The following VAC14 variants were observed in gnomAD, a reference collection of about 807,000 sequenced individuals.
The protein encoded by VAC14 is protein VAC14 homolog.
A neutral mutation model predicts 85.3 loss-of-function variants in VAC14; 47 were observed. The observed-to-expected ratio is 0.55, with a 90% CI of 0.44 to 0.70. VAC14 has a LOEUF of 0.70. VAC14 is among the 30% of genes least tolerant of loss of function. The probability of loss-of-function intolerance (pLI) is 0.00; values close to 1 mark genes in which losing one functional copy is unlikely to be tolerated. For synonymous variants in VAC14, 447 were observed against 430.5 expected, an observed-to-expected ratio of 1.04 and a Z score of -0.47; for missense variants, 861 against 1,004.3, an observed-to-expected ratio of 0.86 and a Z score of 1.93.
At chr16:70,716,482 C>T (rs1354978949) in intron 14 of VAC14, 4 of 152,316 alleles carry the variant, frequency 2.6e-5, no homozygotes. Flanking sequence ...CCATGTTGGC[C>T]TGGCCCAGGC....
chr16:70,735,344 GCCAGAAGCATCAGATGTTC>G (rs1303815724), intron 13 of VAC14, among the ~76,000 whole-genome samples: 7 of 152,146 alleles, frequency 4.6e-5, no homozygotes, highest in South Asian at 4.1e-4. Flanking sequence ...ACCAAACTTG[GCCAGAAGCATCAGATGTTC>G]CCAGAAGCAT....
At chr16:70,705,840 G>A (rs2053910834) in intron 14 of VAC14, among the ~76,000 whole-genome samples, 1 of 152,230 alleles carries the variant, frequency 6.6e-6, no homozygotes, top group Non-Finnish European at 1.5e-5. Flanking sequence ...ACTCTCGCGT[G>A]CCATCGATGG....
chr16:70,696,619 T>C (rs954157615), intron 16 of VAC14, among the ~76,000 whole-genome samples: 1 of 152,184 alleles, frequency 6.6e-6, no homozygotes, highest in Non-Finnish European at 1.5e-5. Flanking sequence ...TTCTCCCCAG[T>C]GTGTCATCCT....
At chr16:70,697,541 CA>C (rs2053738569) in intron 15 of VAC14, among the ~76,000 whole-genome samples, 1 of 152,200 alleles carries the variant, frequency 6.6e-6, no homozygotes, top group Admixed American at 6.5e-5. Flanking sequence ...CTGCCCTTGG[CA>C]AAATCACAGT....
chr16:70,708,512 G>A (rs936302), intron 14 of VAC14, among the ~76,000 whole-genome samples: 84,274 of 151,868 alleles, frequency 0.55, 24,067 homozygotes, highest in African/African-American at 0.61. Flanking sequence ...GAAGCATTTC[G>A]CATTCTGCAA....
intron 1 of VAC14, among the ~76,000 whole-genome samples, chr16:70,794,132 T>C (rs1320688356): frequency 6.6e-6 from 1 of 152,190 alleles, no homozygotes; most frequent in Non-Finnish European, 1.5e-5. Flanking sequence ...AATTTAAATA[T>C]TGGGACACAA....
intron 13 of VAC14, among the ~76,000 whole-genome samples, chr16:70,740,053 T>TG (rs2030116758): frequency 6.7e-6 from 1 of 149,840 alleles, no homozygotes; most frequent in Admixed American, 6.6e-5. Flanking sequence ...CTCCACCTGC[T>TG]GGGTTCAAGC....
rs542819933 is a variant in VAC14, at chr16:70,785,851, T to C, written c.274A>G (p.Lys92Glu). 6.2e-7 allele frequency: 1 copy of C among 1,605,362 alleles called. No homozygotes were observed. Among genetic ancestry groups the C allele is most frequent in the Non-Finnish European group, 8.5e-7 (1 of 1,175,604 alleles). Reference protein sequence around the residue: ...ALGKDSGLYLKELIEPVLTCF... With the variant: ...ALGKDSGLYLEELIEPVLTCF... ...GTCAGCACTGGCTCGATCAGCTCCTTCAGGTAGAGCCCTGAGTCCTGCAAG... is the reference window on the plus strand; with the variant it reads ...GTCAGCACTGGCTCGATCAGCTCCTCCAGGTAGAGCCCTGAGTCCTGCAAG... Residue 92 changes from lysine (K) to glutamate (E), a missense_variant, in exon 3 of 19, where the codon AAG becomes GAG. Lys to Glu is a moderately conservative substitution (Grantham distance 56, BLOSUM62 1). Transcript: ENST00000261776.
At position 70,731,617 on chromosome 16, in the gene VAC14, G is replaced by A. The variant is rs1459893819; in HGVS notation, c.1539C>T (p.Gly513=). The A allele has an allele frequency of 1.2e-6, 2 of 1,613,954 alleles. No individual in the cohort carries two copies. Among genetic ancestry groups the A allele is most frequent in the South Asian group, 1.1e-5 (1 of 91,076 alleles). ...TGGGAGTTGAAGGAGAACATTCTAA[G>A]CCTTTGGTACCTGTAGAGAAAGGGA... ...AGLLNTSGTK[G]LECSPSTPTM... The change falls in exon 14 of 19, where the codon GGC becomes GGT. Residue 513 remains glycine, a synonymous_variant. Transcript: ENST00000261776.
At chr16:70,764,170 A>G (rs1027495026) in intron 10 of VAC14, among the ~76,000 whole-genome samples, 2 of 152,138 alleles carry the variant, frequency 1.3e-5, no homozygotes, top group African/African-American at 4.8e-5. Flanking sequence ...GTGAATCCCT[A>G]AAGGGCATGA....
At chr16:70,742,914 A>G (rs750041609) in intron 13 of VAC14, among the ~76,000 whole-genome samples, 7 of 152,258 alleles carry the variant, frequency 4.6e-5, no homozygotes, top group Non-Finnish European at 8.8e-5. Flanking sequence ...TTTTCTGTCT[A>G]GCTAGAGGAT....
intron 8 of VAC14, 130 bp downstream of exon 8, chr16:70,781,739 T>C: frequency 7.6e-7 from 1 of 1,311,426 alleles, no homozygotes. Flanking sequence ...CATCTCTTTT[T>C]CCCGAGCTGC....
intron 3 of VAC14, among the ~76,000 whole-genome samples, chr16:70,785,127 C>T (rs146314891): frequency 2.1e-3 from 319 of 152,356 alleles, no homozygotes; most frequent in Admixed American, 3.3e-3. Flanking sequence ...GGTTGCTTCC[C>T]GTCAGCCTTC....
intron 12 of VAC14, chr16:70,755,984 G>A (rs1285826047): frequency 3.9e-5 from 18 of 456,502 alleles, no homozygotes; most frequent in East Asian, 6.9e-5. Flanking sequence ...GCCAAAGTCC[G>A]TGTCATCAAG....
rs2033268183 is a variant in VAC14 at position 70,772,141 on chromosome 16, G to A, written c.1128C>T (p.Phe376=). The change falls in exon 10 of 19, where the codon TTC becomes TTT. Residue 376 remains phenylalanine, a synonymous_variant. Coordinates refer to ENST00000261776, the MANE Select transcript of VAC14 (RefSeq NM_018052.5). ...GGPDGSCDSS[F]SSGISVFTAA... ...CAGTGAAGACACTGATGCCGCTACT[G>A]AAGCTGGAGTCACAGGAACCATCTG... 2 of 1,614,006 alleles carry A rather than the reference G, an allele frequency of 1.2e-6. No homozygotes were observed. Among genetic ancestry groups the A allele is most frequent in the African/African-American group, 1.3e-5 (1 of 74,926 alleles).
At chr16:70,695,125 T>C (rs1355108855) in intron 17 of VAC14, among the ~76,000 whole-genome samples, 1 of 151,664 alleles carries the variant, frequency 6.6e-6, no homozygotes, top group Non-Finnish European at 1.5e-5. Context: ...TTTTTTTTTT[T>C]TTCTGAGGCA....
At chr16:70,739,065 C>A (rs2029995807) in intron 13 of VAC14, among the ~76,000 whole-genome samples, 1 of 152,236 alleles carries the variant, frequency 6.6e-6, no homozygotes, top group Non-Finnish European at 1.5e-5. Context: ...AACTAGGACA[C>A]AAGCAAAGGC....
At chr16:70,689,231 C>A (rs1280499767) in intron 18 of VAC14, 11 of 984,462 alleles carry the variant, frequency 1.1e-5, no homozygotes, top group South Asian at 4.7e-5. Flanking sequence ...TGCCAAGATG[C>A]CTTGACACGA....
chr16:70,789,162 C>CA (rs1216066689), intron 1 of VAC14, among the ~76,000 whole-genome samples: 1 of 152,302 alleles, frequency 6.6e-6, no homozygotes, highest in East Asian at 1.9e-4. Context: ...TGGGAGGACT[C>CA]AAACAGTAAC....
Sources: allele counts gnomAD v4.1 joint callset (sites outside exome capture counted in the v4.1 genomes callset), GRCh38; gene constraint gnomAD v4.1.1; transcripts MANE v1.5; gene names NCBI Gene and HGNC (gene_info 2026-07-23, HGNC 2026-07-21).